The following GALNT18 variants were observed in gnomAD, a reference collection of about 807,000 sequenced individuals.
GALNT18 encodes the protein polypeptide N-acetylgalactosaminyltransferase 18, also known as GalNAc-transferase 18.
A neutral mutation model predicts 69.5 loss-of-function variants in GALNT18; 44 were observed. The observed-to-expected ratio is 0.63, with a 90% confidence interval of 0.50 to 0.81. The LOEUF (loss-of-function observed/expected upper bound fraction) is 0.81, where lower values mean the gene tolerates loss of function less well. Ranked by LOEUF, GALNT18 falls within the 40% of genes least tolerant of loss-of-function variation. The pLI is 0.00. For missense variants in GALNT18, 715 were observed against 810.0 expected, an observed-to-expected ratio of 0.88 and a Z score of 1.42; for synonymous variants, 364 against 318.2, an observed-to-expected ratio of 1.14 and a Z score of -1.53.
At position 11,504,669 on chromosome 11, in the gene GALNT18, G is replaced by A. The variant is rs570577648; in HGVS notation, c.236-55733C>T. 1.6e-4 allele frequency among the ~76,000 whole-genome samples: 25 copies of A among 152,136 alleles called. 1 individual carries two copies. The highest frequency in any genetic ancestry group is 6.0e-4 in the African/African-American group (25 of 41,498). On this transcript the variant is annotated intron_variant, in intron 1 of 10. Coordinates refer to ENST00000227756, the MANE Select transcript of GALNT18 (RefSeq NM_198516.3). ...GCTACTCAGGAGGCTGAGGTAGGAG[G>A]ATCACCTGAGCCTGGAAGGTGGAGG...
chr11:11,359,508 C>T, intron 6 of GALNT18, among the ~76,000 whole-genome samples: 1 of 152,200 alleles, frequency 6.6e-6, no homozygotes. Context: ...CCTCTCTTTT[C>T]TGGCTCCTCT....
At position 11,318,905 on chromosome 11, in the gene GALNT18, A is replaced by G. The variant is rs1460608465; in HGVS notation, c.1512+8181T>C. Among the ~76,000 whole-genome samples the G allele has an allele frequency of 1.3e-5, 2 of 152,206 alleles. No individual in the cohort carries two copies. The highest frequency in any genetic ancestry group is 4.8e-5 in the African/African-American group (2 of 41,454). On this transcript the variant is annotated intron_variant, in intron 9 of 10. Transcript: ENST00000227756. The surrounding 1 kb of genome is among the most constrained non-coding windows in gnomAD (Gnocchi z 5.1). ...TATTTACCTTTTGATTCTCTCTCAG[A>G]CACTATGAAGTTGTATGCTAACTCC...
Position 11,591,081 on chromosome 11 carries a change from T to A in GALNT18, c.235+30278A>T, listed in dbSNP as rs191119324. Among the ~76,000 whole-genome samples the A allele has an allele frequency of 3.1e-3, 464 of 152,124 alleles. 3 individuals carry two copies. Among genetic ancestry groups the A allele is most frequent in the South Asian group, 0.021 (100 of 4,804 alleles). On this transcript the variant is annotated intron_variant, in intron 1 of 10. Coordinates refer to ENST00000227756, the MANE Select transcript of GALNT18 (RefSeq NM_198516.3). This position sits in a 1 kb window ranked among gnomAD's most constrained non-coding sequence, Gnocchi z 4.8. ...TCATAGCAGATGACAGCTCTATGCA[T>A]GTTATTGCCCAATGGGACAAGATGT...
Position 11,327,152 on chromosome 11 carries a change from A to G in GALNT18, c.1446T>C (p.Cys482=), listed in dbSNP as rs1849936457. ...TCTCTGTATCTGGCCCCTGGTCAAG[A>G]CACAAATCAGTCTTCAGAGAATTCT... ...VLQNSLKTDL[C]LDQGPDTENV... The change falls in exon 9 of 11, where the codon TGT becomes TGC. Residue 482 remains cysteine, a synonymous_variant. Transcript: ENST00000227756. 4 of 1,613,970 alleles carry G rather than the reference A, an allele frequency of 2.5e-6. No homozygotes were observed. Among genetic ancestry groups the G allele is most frequent in the South Asian group, 2.2e-5 (2 of 91,088 alleles).
In GALNT18 at chr11:11,543,796, G is replaced by A. The variant is rs943649965; in HGVS notation, c.235+77563C>T. 1.3e-5 allele frequency among the ~76,000 whole-genome samples: 2 copies of A among 152,170 alleles called. No individual in the cohort carries two copies. Among genetic ancestry groups the A allele is most frequent in the Admixed American group, 1.3e-4 (2 of 15,284 alleles). On this transcript the variant is annotated intron_variant, in intron 1 of 10. Coordinates refer to ENST00000227756, the MANE Select transcript of GALNT18 (RefSeq NM_198516.3). The surrounding 1 kb of genome is among the most constrained non-coding windows in gnomAD (Gnocchi z 5.1). ...GTGACTGGGGCCCCGAATGTGCCACGGTGGGTGGGTGTGGTTATTGCTCCC... is the reference window on the plus strand; with the variant it reads ...GTGACTGGGGCCCCGAATGTGCCACAGTGGGTGGGTGTGGTTATTGCTCCC...
chr11:11,569,611 T>C (rs1269444117), intron 1 of GALNT18, among the ~76,000 whole-genome samples: 1 of 152,124 alleles, frequency 6.6e-6, no homozygotes, highest in Non-Finnish European at 1.5e-5. Context: ...CAAGGCCAAG[T>C]TCACTAAACC....
chr11:11,535,177 A>T (rs1857747780), intron 1 of GALNT18, among the ~76,000 whole-genome samples: 1 of 152,234 alleles, frequency 6.6e-6, no homozygotes, highest in African/African-American at 2.4e-5. Context: ...AAAAAGAATG[A>T]GTGTGAACAG....
In GALNT18 at chr11:11,497,074, C is replaced by T. The variant is rs1347345384; in HGVS notation, c.236-48138G>A. ...GCCTTCCTGCTTCCAGGCTCATTCC[C>T]ACCTCAGGGCCTTTGCACCTGCTGT... On this transcript the variant is annotated intron_variant, in intron 1 of 10. Coordinates refer to ENST00000227756, the MANE Select transcript of GALNT18 (RefSeq NM_198516.3). This position sits in a 1 kb window ranked among gnomAD's most constrained non-coding sequence, Gnocchi z 4.2. Among the ~76,000 whole-genome samples the T allele has an allele frequency of 6.6e-6, 1 of 152,090 alleles. No homozygotes were observed. Among genetic ancestry groups the T allele is most frequent in the South Asian group, 2.1e-4 (1 of 4,816 alleles).
intron 6 of GALNT18, among the ~76,000 whole-genome samples, chr11:11,357,216 G>T (rs1238188454): frequency 2.0e-5 from 3 of 152,126 alleles, no homozygotes; most frequent in Non-Finnish European, 4.4e-5. Context: ...AGGCCCTACA[G>T]TTCCCAGGAG....
At chr11:11,291,254 G>A (rs1406391776) in intron 10 of GALNT18, among the ~76,000 whole-genome samples, 1 of 152,174 alleles carries the variant, frequency 6.6e-6, no homozygotes, top group Admixed American at 6.5e-5. Flanking sequence ...TCAAGCCTCA[G>A]CCCTGACCTC....
intron 1 of GALNT18, among the ~76,000 whole-genome samples, chr11:11,521,563 G>A (rs980341613): frequency 1.1e-4 from 17 of 152,228 alleles, no homozygotes; most frequent in Middle Eastern, 3.4e-3. Flanking sequence ...GAAGAAACTC[G>A]AGGCCAGGCA....
chr11:11,527,373 C>T (rs1007683020), intron 1 of GALNT18, among the ~76,000 whole-genome samples: 15 of 152,140 alleles, frequency 9.9e-5, no homozygotes, highest in Admixed American at 2.6e-4. Flanking sequence ...ACTTGTTTGC[C>T]TTTCGAGTCT....
In GALNT18 at chr11:11,603,693, G is replaced by T. The variant is rs1859684941; in HGVS notation, c.235+17666C>A. On this transcript the variant is annotated intron_variant, in intron 1 of 10. Coordinates refer to ENST00000227756, the MANE Select transcript of GALNT18 (RefSeq NM_198516.3). This position sits in a 1 kb window ranked among gnomAD's most constrained non-coding sequence, Gnocchi z 4.5. ...CCTAAAAAGATCTATGGATTTTATT[G>T]GATCCAGTGTTATTTGAGACATCTG... Among the ~76,000 whole-genome samples, 1 of 152,054 alleles carries T rather than the reference G, an allele frequency of 6.6e-6. No individual in the cohort carries two copies. The highest frequency in any genetic ancestry group is 2.4e-5 in the African/African-American group (1 of 41,390).
At chr11:11,510,812 A>G (rs1857150886) in intron 1 of GALNT18, among the ~76,000 whole-genome samples, 1 of 152,214 alleles carries the variant, frequency 6.6e-6, no homozygotes, top group Non-Finnish European at 1.5e-5. Context: ...GCACATTGCA[A>G]CATCATTTCA....
At chr11:11,350,294 G>A (rs936322033) in intron 6 of GALNT18, among the ~76,000 whole-genome samples, 2 of 152,216 alleles carry the variant, frequency 1.3e-5, no homozygotes, top group African/African-American at 2.4e-5. Flanking sequence ...CCAGTGCTCT[G>A]CCTATAATGA....
chr11:11,291,414 A>G (rs1449932324), intron 10 of GALNT18, among the ~76,000 whole-genome samples: 1 of 152,256 alleles, frequency 6.6e-6, no homozygotes, highest in East Asian at 1.9e-4. Context: ...CTATGAGGTC[A>G]GGTGGTACCT....
intron 10 of GALNT18, among the ~76,000 whole-genome samples, chr11:11,280,941 T>G (rs2132985081): frequency 6.6e-6 from 1 of 152,276 alleles, no homozygotes; most frequent in African/African-American, 2.4e-5. Context: ...GGCCAGACCA[T>G]TGCTCCATGG....
At chr11:11,532,059 G>A (rs1425527056) in intron 1 of GALNT18, among the ~76,000 whole-genome samples, 1 of 152,050 alleles carries the variant, frequency 6.6e-6, no homozygotes, top group Non-Finnish European at 1.5e-5. Flanking sequence ...AGCTATCTTC[G>A]AGCATTCATC....
At chr11:11,533,245 T>G (rs576119606) in intron 1 of GALNT18, among the ~76,000 whole-genome samples, 1 of 152,296 alleles carries the variant, frequency 6.6e-6, no homozygotes, top group South Asian at 2.1e-4. Flanking sequence ...GCTTGTTTCA[T>G]CCTCAGGGCG....
Sources: allele counts gnomAD v4.1 joint callset (sites outside exome capture counted in the v4.1 genomes callset), GRCh38; gene constraint gnomAD v4.1.1; non-coding constraint Gnocchi (gnomAD v3.1); transcripts MANE v1.5; gene names NCBI Gene and HGNC (gene_info 2026-07-23, HGNC 2026-07-21).